The following DDX19B variants were observed in gnomAD, a reference collection of about 807,000 sequenced individuals.
DDX19B encodes the protein ATP-dependent RNA helicase DDX19B.
A neutral mutation model predicts 58.1 loss-of-function variants in DDX19B; 27 were observed. The observed-to-expected ratio is 0.46, with a 90% confidence interval of 0.34 to 0.64. The LOEUF (loss-of-function observed/expected upper bound fraction) is 0.64. Among genes scored for constraint, DDX19B ranks in the 30% least tolerant of loss-of-function variants. The pLI is 0.01. For synonymous variants in DDX19B, 187 were observed against 214.4 expected, an observed-to-expected ratio of 0.87 and a Z score of 1.12; for missense variants, 399 against 596.5, an observed-to-expected ratio of 0.67 and a Z score of 3.45.
upstream of DDX19B, among the ~76,000 whole-genome samples, chr16:70,291,706 G>C (rs563181322): frequency 1.3e-5 from 2 of 152,102 alleles, no homozygotes; most frequent in Admixed American, 6.6e-5. Context: ...AGCTACTCTG[G>C]AGGCTGAGGC....
intron 1 of DDX19B, among the ~76,000 whole-genome samples, chr16:70,309,850 A>G (rs1474712489): frequency 1.3e-5 from 2 of 151,218 alleles, no homozygotes; most frequent in Non-Finnish European, 2.9e-5. Context: ...AGAAATAGAA[A>G]TGGGGCTCCT....
upstream of DDX19B, among the ~76,000 whole-genome samples, chr16:70,296,570 C>T (rs1207458297): frequency 6.6e-6 from 1 of 151,976 alleles, no homozygotes; most frequent in Non-Finnish European, 1.5e-5. Context: ...AATTTTTAAC[C>T]TCATTAAAAT....
chr16:70,307,213 T>C (rs1057160430), intron 1 of DDX19B, among the ~76,000 whole-genome samples: 1 of 152,206 alleles, frequency 6.6e-6, no homozygotes, highest in African/African-American at 2.4e-5. Flanking sequence ...ACATATAGTT[T>C]CAATACTCGG....
intron 10 of DDX19B, among the ~76,000 whole-genome samples, chr16:70,332,728 T>C (rs1187370889): frequency 1.3e-5 from 2 of 152,162 alleles, no homozygotes; most frequent in African/African-American, 2.4e-5. Context: ...CACCTCTCCC[T>C]GCACCCCACC....
chr16:70,317,431 C>T, intron 4 of DDX19B, 65 bp from the exon 5 acceptor site: 7 of 1,259,302 alleles, frequency 5.6e-6, no homozygotes, highest in East Asian at 2.4e-5. Context: ...GAAAAATCCT[C>T]CAGATATTTT....
intron 5 of DDX19B, among the ~76,000 whole-genome samples, chr16:70,318,668 C>T (rs1180199545): frequency 3.3e-5 from 5 of 151,446 alleles, no homozygotes; most frequent in African/African-American, 7.3e-5. Context: ...TGGTGGCAGG[C>T]GCCTGTAAAC....
intron 1 of DDX19B, among the ~76,000 whole-genome samples, chr16:70,304,122 C>T (rs1961620143): frequency 6.6e-6 from 1 of 151,756 alleles, no homozygotes; most frequent in Non-Finnish European, 1.5e-5. Flanking sequence ...TCACTGCAAC[C>T]CCTCGCCTCC....
rs1040800553 is a variant in DDX19B at position 70,327,163 on chromosome 16, C to T, written c.607+1475C>T. Among the ~76,000 whole-genome samples the T allele has an allele frequency of 4.0e-5, 6 of 151,596 alleles. No individual in the cohort carries two copies. The South Asian group carries it at 1.3e-3, about 32-fold the overall frequency. ...TCTTTTTTTTATTTTGAGACAGTTTCGCTAGGTCACCTAGGCTGGAGTTCT... is the reference window on the plus strand; with the variant it reads ...TCTTTTTTTTATTTTGAGACAGTTTTGCTAGGTCACCTAGGCTGGAGTTCT... On this transcript the variant is annotated intron_variant, in intron 7 of 11. Transcript: ENST00000288071.
chr16:70,299,057 G>A, upstream of DDX19B: 3 of 1,063,604 alleles, frequency 2.8e-6, no homozygotes, highest in Non-Finnish European at 3.7e-6. Flanking sequence ...CAGCTTGATA[G>A]GAAAGCTTGC....
At chr16:70,297,754 T>A (rs1000837538), upstream of DDX19B, among the ~76,000 whole-genome samples, 4 of 152,156 alleles carry the variant, frequency 2.6e-5, no homozygotes, top group Non-Finnish European at 4.4e-5. Flanking sequence ...AGAGTCTTAC[T>A]CTGTTGCGCA....
Position 70,299,328 on chromosome 16 carries a change from G to T in DDX19B, c.31G>T (p.Asp11Tyr). ...CACTGACTCATGGGCCCTGGCGGTG[G>T]ACGAGCAGGAAGCTGCGGCTGAGTC... MATDSWALAV[D>Y]EQEAAAESLS... Residue 11 changes from aspartate (D) to tyrosine (Y), a missense_variant, in exon 1 of 12, where the codon GAC (aspartate) becomes TAC (tyrosine). This residue lies in a region of DDX19B where 132 missense variants were observed against 159.4 expected (regional missense o/e 0.83). Coordinates refer to ENST00000288071, the MANE Select transcript of DDX19B (RefSeq NM_007242.7). 6.2e-7 allele frequency: 1 copy of T among 1,608,840 alleles called. No individual in the cohort carries two copies.
chr16:70,322,905 A>AG (rs1343936099), intron 5 of DDX19B, among the ~76,000 whole-genome samples: 6 of 151,334 alleles, frequency 4.0e-5, no homozygotes, highest in Non-Finnish European at 7.4e-5. Context: ...AAAAAAAAAA[A>AG]AAAAAAAAAG....
intron 1 of DDX19B, among the ~76,000 whole-genome samples, chr16:70,308,408 TA>T (rs1259388154): frequency 2.0e-5 from 3 of 151,422 alleles, no homozygotes; most frequent in South Asian, 4.2e-4. Flanking sequence ...ATTTTTTTTA[TA>T]TTTTTTTAGT....
Position 70,329,889 on chromosome 16 carries a change from T to C in DDX19B, c.844T>C (p.Trp282Arg). The C allele has an allele frequency of 1.2e-6, 2 of 1,614,232 alleles. No individual in the cohort carries two copies. Among genetic ancestry groups the C allele is most frequent in the East Asian group, 4.5e-5 (2 of 44,884 alleles). ...LFSATFEDSV[W>R]KFAQKVVPDP... is the part of the protein sequence containing the mutation. ...CTCCGCCACCTTTGAAGACTCTGTG[T>C]GGAAGTTTGCCCAGAAAGTGGTCCC... is the stretch of plus-strand genomic sequence containing the variant. The change falls in exon 9 of 12, where the codon TGG becomes CGG. Residue 282 changes from tryptophan to arginine, a missense_variant. By Grantham distance (101) the Trp-to-Arg change is moderately radical (BLOSUM62 -3). Transcript: ENST00000288071.
chr16:70,290,162 G>A (rs569357269), upstream of DDX19B, among the ~76,000 whole-genome samples: 70 of 152,150 alleles, frequency 4.6e-4, no homozygotes, highest in African/African-American at 1.6e-3. Flanking sequence ...CAACACTTTG[G>A]GAGGCCAAGG....
At position 70,299,246 on chromosome 16, in the gene DDX19B, C is replaced by T. The variant is rs766631680; in HGVS notation, c.-52C>T. 1.1e-4 allele frequency: 166 copies of T among 1,506,886 alleles called. 1 individual carries two copies. Among genetic ancestry groups the T allele is most frequent in the Middle Eastern group, 1.9e-4 (1 of 5,174 alleles). 93.3% of individuals were successfully genotyped at this position (1,506,886 alleles called of 1,614,324 possible). On this transcript the variant is annotated 5_prime_UTR_variant, in exon 1 of 12. Coordinates refer to ENST00000288071, the MANE Select transcript of DDX19B (RefSeq NM_007242.7). ...CGAACCCCCGGAGCCCACGATCCCT[C>T]GTGCCATCCCTCGAATCCACCAGCA...
chr16:70,317,442 G>T (rs981790825), intron 4 of DDX19B, 54 bp from the exon 5 acceptor site: 5 of 1,360,804 alleles, frequency 3.7e-6, no homozygotes, highest in Non-Finnish European at 3.1e-6. Context: ...CAGATATTTT[G>T]CTGCTTTCCT....
intron 10 of DDX19B, 40 bp downstream of exon 10, chr16:70,331,924 G>T: frequency 6.2e-7 from 1 of 1,605,302 alleles, no homozygotes; most frequent in African/African-American, 1.3e-5. Context: ...GCCAGGCTTG[G>T]GGTCCCAGGC....
rs1321941744 is a variant in DDX19B at position 70,334,313 on chromosome 16, C to G, written c.*731C>G. On this transcript the variant is annotated 3_prime_UTR_variant, in exon 12 of 12. Coordinates refer to ENST00000288071, the MANE Select transcript of DDX19B (RefSeq NM_007242.7). The stretch of plus-strand genomic sequence containing the variant: ...TCCTGTGCCTGTGCTTAAGCAAGTC[C>G]TGTGGAGAAGTCATCATGGAGAATT... 1.3e-5 allele frequency: 2 copies of G among 152,074 alleles called. No individual in the cohort carries two copies. Among genetic ancestry groups the G allele is most frequent in the Admixed American group, 6.6e-5 (1 of 15,244 alleles). The allele number at this position is 152,074 out of a possible 1,614,324, so 9.4% of individuals were successfully genotyped here.
Sources: gnomAD v4.1 joint callset for allele counts (sites outside exome capture counted in the v4.1 genomes callset) on GRCh38, gnomAD v4.1.1 for gene constraint, gnomAD v4.1.1 regional missense constraint, MANE v1.5 for transcripts, NCBI Gene and HGNC (gene_info 2026-07-23, HGNC 2026-07-21) for gene names.